Variants in CAB39 observed in about 807,000 individuals in gnomAD.
CAB39 encodes calcium binding protein 39.
A neutral mutation model predicts 40.0 loss-of-function variants in CAB39; 8 were observed. The ratio of observed to expected loss-of-function variants is 0.20; its 90% CI spans 0.12 to 0.36. The LOEUF (loss-of-function observed/expected upper bound fraction) is 0.36, where lower values mean the gene tolerates loss of function less well. CAB39 is among the 10% of genes least tolerant of loss of function. CAB39 has a pLI of 1.00. For missense variants in CAB39, 270 were observed against 401.1 expected (o/e 0.67, Z 2.79); for synonymous variants, 156 against 141.6 (o/e 1.10, Z -0.72).
chr2:230,766,280 C>T (rs1245279222), intron 2 of CAB39, among the ~76,000 whole-genome samples: 3 of 152,024 alleles, frequency 2.0e-5, no homozygotes, highest in African/African-American at 7.3e-5. Flanking sequence ...AAAGAATATA[C>T]CTATTGCAAG....
At chr2:230,793,491 T>G (rs1695926202) in intron 4 of CAB39, among the ~76,000 whole-genome samples, 160 bp downstream of exon 4, 1 of 152,238 alleles carries the variant, frequency 6.6e-6, no homozygotes, top group South Asian at 2.1e-4. Context: ...ATTCAACTTG[T>G]GAGCTAAATT....
intron 1 of CAB39, among the ~76,000 whole-genome samples, chr2:230,714,885 A>C (rs1338549968): frequency 2.0e-5 from 3 of 152,206 alleles, no homozygotes; most frequent in African/African-American, 4.8e-5. Flanking sequence ...GTAAGCTTGC[A>C]CTTGTTTGCG....
At chr2:230,785,500 C>G (rs1695773301) in intron 2 of CAB39, among the ~76,000 whole-genome samples, 2 of 151,552 alleles carry the variant, frequency 1.3e-5, no homozygotes, top group Admixed American at 6.6e-5. Flanking sequence ...GGGAGATTGA[C>G]TCTGTGAGGA....
At chr2:230,756,436 G>T (rs1333304992) in intron 1 of CAB39, among the ~76,000 whole-genome samples, 1 of 152,192 alleles carries the variant, frequency 6.6e-6, no homozygotes, top group Non-Finnish European at 1.5e-5. Flanking sequence ...ACCTCATCAG[G>T]CAGCTACATG....
At chr2:230,719,637 A>G (rs1250354956) in intron 1 of CAB39, among the ~76,000 whole-genome samples, 1 of 152,230 alleles carries the variant, frequency 6.6e-6, no homozygotes, top group African/African-American at 2.4e-5. Context: ...AGTGGGAAAC[A>G]CAGAAGCCTG....
chr2:230,736,319 T>G (rs538081906), intron 1 of CAB39, among the ~76,000 whole-genome samples: 1 of 152,324 alleles, frequency 6.6e-6, no homozygotes, highest in Admixed American at 6.5e-5. Context: ...TTTTTTCATG[T>G]CCTTTGCCTG....
At position 230,724,464 on chromosome 2, in the gene CAB39, C is replaced by CT. The variant is rs1575899724; in HGVS notation, c.-44+11235dup. On this transcript the variant is annotated intron_variant, in intron 1 of 8. Transcript: ENST00000258418. ...TGGGAGGCCGAGGTGGGCGGATCAC[C>CT]TGAGGTCAGGAGTTCGAGACCAGCC... is the stretch of plus-strand genomic sequence containing the variant. 2.0e-5 allele frequency among the ~76,000 whole-genome samples: 3 copies of CT among 151,946 alleles called. No individual in the cohort carries two copies. In the East Asian group the frequency reaches 5.8e-4, roughly 30 times the overall value.
intron 5 of CAB39, among the ~76,000 whole-genome samples, chr2:230,802,075 G>A (rs560749936): frequency 6.6e-6 from 1 of 152,124 alleles, no homozygotes; most frequent in Admixed American, 6.5e-5. Flanking sequence ...CCTGTGTAAG[G>A]TTCTAGAAAG....
chr2:230,738,821 T>TA (rs1470420356), intron 1 of CAB39, among the ~76,000 whole-genome samples: 2 of 152,246 alleles, frequency 1.3e-5, no homozygotes, highest in African/African-American at 2.4e-5. Flanking sequence ...TTTCCAGGTT[T>TA]ACATCTGATG....
intron 2 of CAB39, among the ~76,000 whole-genome samples, chr2:230,788,929 A>C (rs2124954496): frequency 6.6e-6 from 1 of 152,320 alleles, no homozygotes; most frequent in African/African-American, 2.4e-5. Context: ...CTATGGAATT[A>C]CAATTTTTAT....
At chr2:230,815,767 A>G (rs1312474095) in intron 7 of CAB39, among the ~76,000 whole-genome samples, 1 of 152,228 alleles carries the variant, frequency 6.6e-6, no homozygotes, top group Non-Finnish European at 1.5e-5. Flanking sequence ...ATGGATATAA[A>G]GCAAGTTGCT....
chr2:230,779,668 G>C (rs1182423956), intron 2 of CAB39, among the ~76,000 whole-genome samples: 1 of 152,190 alleles, frequency 6.6e-6, no homozygotes, highest in African/African-American at 2.4e-5. Flanking sequence ...AAAATCATCA[G>C]GTCATTCCAT....
At chr2:230,756,477 G>A (rs1207569893) in intron 1 of CAB39, among the ~76,000 whole-genome samples, 1 of 152,156 alleles carries the variant, frequency 6.6e-6, no homozygotes, top group Non-Finnish European at 1.5e-5. Context: ...TTAATGCTTA[G>A]CAAACCTGAA....
chr2:230,734,404 G>A (rs183095019), intron 1 of CAB39, among the ~76,000 whole-genome samples: 3 of 152,204 alleles, frequency 2.0e-5, no homozygotes, highest in East Asian at 1.9e-4. Flanking sequence ...TGTCTAGCTT[G>A]CCCCTCCCTA....
At chr2:230,717,949 A>G (rs949776447) in intron 1 of CAB39, among the ~76,000 whole-genome samples, 1 of 152,212 alleles carries the variant, frequency 6.6e-6, no homozygotes, top group African/African-American at 2.4e-5. Flanking sequence ...TTGGCCCTTC[A>G]TGTTGACCAT....
intron 2 of CAB39, among the ~76,000 whole-genome samples, chr2:230,786,163 CAAAAAAAAAAAAA>C (rs369510604): frequency 1.6e-4 from 12 of 72,740 alleles, no homozygotes; most frequent in South Asian, 6.4e-4. Flanking sequence ...GACTCTGTCT[CAAAAAAAAAAAAA>C]AAAAAAAAAA....
Position 230,762,435 on chromosome 2 carries a change from C to G in CAB39, c.114+2320C>G, listed in dbSNP as rs1695312070. The stretch of plus-strand genomic sequence containing the variant: ...GACATCTTCAACTTTAGGAAGCACT[C>G]AGCAGTCCTGATAGCCCTACAGGCT... On this transcript the variant is annotated intron_variant, in intron 2 of 8. Transcript: ENST00000258418. Among the ~76,000 whole-genome samples the G allele has an allele frequency of 2.6e-5, 4 of 152,162 alleles. No homozygotes were observed. In the South Asian group the frequency reaches 8.3e-4, roughly 32 times the overall value.
chr2:230,737,585 A>G (rs1490030130), intron 1 of CAB39, among the ~76,000 whole-genome samples: 2 of 152,204 alleles, frequency 1.3e-5, no homozygotes, highest in African/African-American at 4.8e-5. Context: ...TGTCACGAAT[A>G]TTTTGTTTAG....
intron 5 of CAB39, among the ~76,000 whole-genome samples, chr2:230,801,375 T>G (rs1696086790): frequency 6.6e-6 from 1 of 152,218 alleles, no homozygotes; most frequent in Non-Finnish European, 1.5e-5. Context: ...GACACGTTGC[T>G]GCTCCTCTCC....
Sources: allele counts gnomAD v4.1 joint callset (sites outside exome capture counted in the v4.1 genomes callset), GRCh38; gene constraint gnomAD v4.1.1; transcripts MANE v1.5; gene names NCBI Gene and HGNC (gene_info 2026-07-23, HGNC 2026-07-21).